The following NFASC variants were observed in gnomAD, a reference collection of about 807,000 sequenced individuals.
NFASC encodes the protein neurofascin homolog.
In NFASC, 43 loss-of-function variants were observed where a neutral mutation model predicts 147.5. That is an observed-to-expected ratio of 0.29 (90% CI 0.23 to 0.38). The LOEUF is 0.38. Among genes scored for constraint, NFASC ranks in the 10% least tolerant of loss-of-function variants. The pLI is 1.00. For synonymous variants in NFASC, 622 were observed against 665.5 expected (o/e 0.93, Z 1.01); for missense variants, 1,320 against 1,689.0 (o/e 0.78, Z 3.83).
chr1:204,883,393 A>G (rs2080678822), intron 1 of NFASC, among the ~76,000 whole-genome samples: 1 of 152,180 alleles, frequency 6.6e-6, no homozygotes, highest in Non-Finnish European at 1.5e-5. Context: ...TCTGCTTTCT[A>G]GCCCCTTCCC....
Position 204,968,747 on chromosome 1 carries a change from A to T in NFASC, c.819-51A>T, listed in dbSNP as rs12059629. On this transcript the variant is annotated intron_variant, in intron 9 of 29. Transcript: ENST00000339876. The surrounding 1 kb of genome is among the most constrained non-coding windows in gnomAD (Gnocchi z 5.4). ...GGTGTCCCCAGCTGTATAGAAGAGG[A>T]GAAAGGCCACGTTTAGTGATAACTT... 2.6e-3 allele frequency: 4,103 copies of T among 1,558,234 alleles called. 102 individuals are homozygous for T. In the African/African-American group the frequency reaches 0.049, roughly 19 times the overall value.
intron 2 of NFASC, among the ~76,000 whole-genome samples, chr1:204,940,668 G>T (rs895030820): frequency 6.6e-6 from 1 of 152,164 alleles, no homozygotes; most frequent in Admixed American, 6.5e-5. Context: ...CTACAGATAA[G>T]ACCTAGACAT....
chr1:204,912,895 G>T (rs1299411933), intron 1 of NFASC, among the ~76,000 whole-genome samples: 2 of 152,010 alleles, frequency 1.3e-5, no homozygotes, highest in African/African-American at 4.8e-5. Context: ...AAGCGTGGTG[G>T]CACGTGCCTA....
intron 1 of NFASC, among the ~76,000 whole-genome samples, chr1:204,892,271 T>C (rs2082556538): frequency 2.0e-5 from 3 of 152,230 alleles, no homozygotes; most frequent in Admixed American, 2.0e-4. Context: ...TTCAGTTCCT[T>C]AGCAAATGTA....
At chr1:204,835,504 C>T (rs895598373) in intron 1 of NFASC, among the ~76,000 whole-genome samples, 1 of 152,164 alleles carries the variant, frequency 6.6e-6, no homozygotes, top group African/African-American at 2.4e-5. Context: ...GTTGGGATTA[C>T]AGGCGTGAGC....
At chr1:204,853,176 C>T (rs546517749) in intron 1 of NFASC, among the ~76,000 whole-genome samples, 1 of 151,728 alleles carries the variant, frequency 6.6e-6, no homozygotes, top group African/African-American at 2.4e-5. Flanking sequence ...ATTATCCTTC[C>T]TAATTTTTAT....
chr1:204,928,903 C>T (rs1278660250), intron 2 of NFASC, among the ~76,000 whole-genome samples: 1 of 152,048 alleles, frequency 6.6e-6, no homozygotes, highest in African/African-American at 2.4e-5. Context: ...CCCTAGAGAG[C>T]CTGGTGTGAA....
At position 204,954,861 on chromosome 1, in the gene NFASC, C is replaced by T. The variant is rs1223069661; in HGVS notation, c.445C>T (p.Pro149Ser). Residue 149 changes from proline to serine, a missense_variant, in exon 7 of 30, where the codon CCT becomes TCT. This residue lies in a region of NFASC where 981 missense variants were observed against 1,289.5 expected (regional missense o/e 0.76). Coordinates refer to ENST00000339876, the MANE Select transcript of NFASC (RefSeq NM_001005388.3). This position sits in a 1 kb window ranked among gnomAD's most constrained non-coding sequence, Gnocchi z 5.7. ...SPLWPKENLDPVVVQEGAPLT... is the reference protein window; with the variant it reads ...SPLWPKENLDSVVVQEGAPLT... ...TCTGTGGCCCAAGGAAAACCTAGAC[C>T]CTGTCGTGGTCCAAGAGGGCGCTCC... is the stretch of plus-strand genomic sequence containing the variant. 1.2e-6 allele frequency: 2 copies of T among 1,614,034 alleles called. No individual in the cohort carries two copies. The highest frequency in any genetic ancestry group is 2.7e-5 in the African/African-American group (2 of 74,924).
intron 1 of NFASC, among the ~76,000 whole-genome samples, chr1:204,888,541 G>A (rs1010168724): frequency 1.3e-5 from 2 of 152,196 alleles, no homozygotes; most frequent in African/African-American, 4.8e-5. Context: ...CAGGTTGACT[G>A]GAATCTTCTG....
chr1:204,867,623 A>G (rs970350060), intron 1 of NFASC, among the ~76,000 whole-genome samples: 1 of 152,086 alleles, frequency 6.6e-6, no homozygotes, highest in Non-Finnish European at 1.5e-5. Context: ...TGGCAGGTAT[A>G]CATGCACATT....
chr1:204,969,673 GGT>G (rs1358003856), intron 10 of NFASC, among the ~76,000 whole-genome samples: 1 of 152,130 alleles, frequency 6.6e-6, no homozygotes, highest in Non-Finnish European at 1.5e-5. Context: ...AGGGGTAGGG[GGT>G]GAGTATCAAG....
Position 204,957,379 on chromosome 1 carries a change from G to A in NFASC, c.536-277G>A, listed in dbSNP as rs75781571. Among the ~76,000 whole-genome samples the A allele has an allele frequency of 5.8e-3, 889 of 152,314 alleles. 7 individuals are homozygous for A. Among genetic ancestry groups the A allele is most frequent in the African/African-American group, 0.02 (845 of 41,546 alleles). On this transcript the variant is annotated intron_variant, in intron 7 of 29. Coordinates refer to ENST00000339876, the MANE Select transcript of NFASC (RefSeq NM_001005388.3). ...TGTGGCGTGAACAGGAAAGAGAAAA[G>A]TGTGGTCATAGAACATGGACATGGT... is the stretch of plus-strand genomic sequence containing the variant.
rs1426901707 is a variant in NFASC at position 205,012,878 on chromosome 1, C to A, written c.3491+12C>A. The A allele has an allele frequency of 6.3e-7, 1 of 1,598,802 alleles. No individual in the cohort carries two copies. The highest frequency in any genetic ancestry group is 1.1e-5 in the South Asian group (1 of 90,724). On this transcript the variant is annotated intron_variant, in intron 29 of 29. Transcript: ENST00000339876. ...TCATTTGACTATAGGTGCGTGATCT[C>A]CCTCCTCCTCTCTCAGGCAGGCTGT...
intron 2 of NFASC, among the ~76,000 whole-genome samples, chr1:204,922,447 G>A (rs956473113): frequency 2.6e-5 from 4 of 152,076 alleles, no homozygotes; most frequent in Non-Finnish European, 5.9e-5. Context: ...ATCGAATATC[G>A]GTTCTGAGCT....
At chr1:204,829,065 A>G (rs1310057171) in intron 1 of NFASC, among the ~76,000 whole-genome samples, 2 of 55,846 alleles carry the variant, frequency 3.6e-5, no homozygotes, top group South Asian at 6.5e-4. Context: ...CGCATCCTCA[A>G]CCCTTTCCCT....
At chr1:204,857,485 G>A (rs1197977079) in intron 1 of NFASC, among the ~76,000 whole-genome samples, 1 of 152,148 alleles carries the variant, frequency 6.6e-6, no homozygotes, top group Non-Finnish European at 1.5e-5. Flanking sequence ...CTAGCAACAG[G>A]TCAATTGGCT....
rs758975208 is a variant in NFASC, at chr1:204,968,578, C to T, written c.818+218C>T. 1 of 614,664 alleles carries T rather than the reference C, an allele frequency of 1.6e-6. No individual in the cohort carries two copies. The highest frequency in any genetic ancestry group is 2.9e-6 in the Non-Finnish European group (1 of 350,108). 38.1% of individuals were successfully genotyped at this position (614,664 alleles called of 1,614,324 possible). On this transcript the variant is annotated intron_variant, in intron 9 of 29. Coordinates refer to ENST00000339876, the MANE Select transcript of NFASC (RefSeq NM_001005388.3). The surrounding 1 kb of genome is among the most constrained non-coding windows in gnomAD (Gnocchi z 5.4). Reference sequence around the variant, plus strand: ...ATAATGAGGAAAGAAGGTGATTAGGCATCCCGTAGATGCGTTAGAATCTCG... The same window carrying T: ...ATAATGAGGAAAGAAGGTGATTAGGTATCCCGTAGATGCGTTAGAATCTCG...
chr1:205,001,313 TGGC>T, intron 26 of NFASC, 27 bp downstream of exon 26: 1 of 1,495,508 alleles, frequency 6.7e-7, no homozygotes, highest in Non-Finnish European at 9.3e-7. Flanking sequence ...GGGGTGGTGG[TGGC>T]GGCAGCGGCG....
At chr1:204,829,827 A>T (rs1671698889) in intron 1 of NFASC, among the ~76,000 whole-genome samples, 1 of 152,152 alleles carries the variant, frequency 6.6e-6, no homozygotes, top group African/African-American at 2.4e-5. Flanking sequence ...TTTAGAAAAG[A>T]TTCTGCTTCA....
Sources: gnomAD v4.1 joint callset for allele counts (sites outside exome capture counted in the v4.1 genomes callset) on GRCh38, gnomAD v4.1.1 for gene constraint, gnomAD v4.1.1 regional missense constraint, Gnocchi (gnomAD v3.1) non-coding constraint, MANE v1.5 for transcripts, NCBI Gene and HGNC (gene_info 2026-07-23, HGNC 2026-07-21) for gene names.